The following ST3GAL5 variants were observed in gnomAD, a reference collection of about 807,000 sequenced individuals.
ST3GAL5 encodes the protein lactosylceramide alpha-2,3-sialyltransferase.
A neutral mutation model predicts 46.1 loss-of-function variants in ST3GAL5; 25 were observed. That is an observed-to-expected ratio of 0.54 (90% CI 0.40 to 0.76). The LOEUF is 0.76. ST3GAL5 is among the 30% of genes least tolerant of loss of function. The pLI is 0.00. For synonymous variants in ST3GAL5, 182 were observed against 192.7 expected, an observed-to-expected ratio of 0.94 and a Z score of 0.46; for missense variants, 431 against 521.2, an observed-to-expected ratio of 0.83 and a Z score of 1.69.
intron 3 of ST3GAL5, among the ~76,000 whole-genome samples, chr2:85,860,397 A>T (rs1210431664): frequency 6.6e-6 from 1 of 152,148 alleles, no homozygotes; most frequent in East Asian, 1.9e-4. Flanking sequence ...ATTTAAAATC[A>T]TCTCTTCCTC....
intron 3 of ST3GAL5, chr2:85,856,161 A>G (rs1446140965): frequency 6.6e-6 from 1 of 152,232 alleles, no homozygotes; most frequent in Non-Finnish European, 1.5e-5. Flanking sequence ...AGCATTATTC[A>G]TAATAGCCAA....
In ST3GAL5 at chr2:85,888,493, C is replaced by G. The variant is rs191905566; in HGVS notation, c.82+331G>C. On this transcript the variant is annotated intron_variant, in intron 1 of 6. Transcript: ENST00000638572. ...CGAGTTAACTCGGCTCTGCTAACTCCGAAGCTTCCAGCAATGAATTAAATC... is the reference window on the plus strand; with the variant it reads ...CGAGTTAACTCGGCTCTGCTAACTCGGAAGCTTCCAGCAATGAATTAAATC... 1.4e-3 allele frequency: 271 copies of G among 188,242 alleles called. 1 individual carries two copies. Among genetic ancestry groups the G allele is most frequent in the Admixed American group, 5.7e-3 (92 of 16,226 alleles). The allele number at this position is 188,242 out of a possible 1,614,324, so 11.7% of individuals were successfully genotyped here.
chr2:85,863,462 C>T lies in ST3GAL5; in HGVS notation c.106G>A (p.Val36Met). The change falls in exon 2 of 7, where the codon GTG (valine) becomes ATG (methionine). Residue 36 changes from valine (V) to methionine (M), a missense_variant. Physicochemically the swap from Val to Met is conservative, Grantham distance 21. Transcript: ENST00000638572. ...GRAMPSEYTY[V>M]KLRSDCSRPS... ...CTCGAGCAATCACTTCTCAGTTTCA[C>T]ATAGGTGTACTCACTTGGCATTGCT... The T allele has an allele frequency of 6.2e-7, 1 of 1,614,152 alleles. No homozygotes were observed. The highest frequency in any genetic ancestry group is 1.1e-5 in the South Asian group (1 of 91,072).
chr2:85,881,050 G>A lies in ST3GAL5; in HGVS notation c.82+7774C>T, dbSNP rs546357925. The A allele has an allele frequency of 4.7e-4, 221 of 467,578 alleles. 2 individuals carry two copies. Among genetic ancestry groups the A allele is most frequent in the African/African-American group, 3.2e-3 (161 of 50,094 alleles). 29.0% of individuals were successfully genotyped at this position (467,578 alleles called of 1,614,324 possible). On this transcript the variant is annotated intron_variant, in intron 1 of 6. Coordinates refer to ENST00000638572, the MANE Select transcript of ST3GAL5 (RefSeq NM_003896.4). ...GACCCAGGGGAGGTAATTGAATCAC[G>A]GGGGCTGGTCTTTCCTGTGCTATTC...
At chr2:85,846,118 C>T (rs1682766681) in intron 5 of ST3GAL5, 5 of 424,718 alleles carry the variant, frequency 1.2e-5, no homozygotes, top group South Asian at 9.5e-5. Context: ...ATTGCTTGAA[C>T]CTGGGATGCG....
At chr2:85,842,819 T>TG (rs1013696127) in intron 6 of ST3GAL5, among the ~76,000 whole-genome samples, 2 of 151,558 alleles carry the variant, frequency 1.3e-5, no homozygotes, top group African/African-American at 4.9e-5. Flanking sequence ...TGGAGTGCAA[T>TG]GGGGCGATCT....
intron 1 of ST3GAL5, among the ~76,000 whole-genome samples, chr2:85,864,742 CTCCCCCATATTCGCT>C (rs1685106058): frequency 6.6e-6 from 1 of 152,214 alleles, no homozygotes; most frequent in African/African-American, 2.4e-5. Context: ...ATTGGTCCGT[CTCCCCCATATTCGCT>C]TTCCCCTAAC....
At chr2:85,882,276 A>T (rs1687244017) in intron 1 of ST3GAL5, among the ~76,000 whole-genome samples, 1 of 152,212 alleles carries the variant, frequency 6.6e-6, no homozygotes, top group African/African-American at 2.4e-5. Flanking sequence ...AGCCACACAG[A>T]GTCCCTACTG....
At position 85,842,468 on chromosome 2, in the gene ST3GAL5, G is replaced by A. The variant is rs565170530; in HGVS notation, c.1008+1928C>T. 3.3e-5 allele frequency among the ~76,000 whole-genome samples: 5 copies of A among 152,300 alleles called. No individual in the cohort carries two copies. In the East Asian group the frequency reaches 9.6e-4, roughly 29 times the overall value. ...GCCCTTTGAGATCACATCTCCTACT[G>A]CTCAACAGGCTTCTTCATCTGCTGG... On this transcript the variant is annotated intron_variant, in intron 6 of 6. Transcript: ENST00000638572.
chr2:85,880,963 C>G, intron 1 of ST3GAL5: 4 of 511,062 alleles, frequency 7.8e-6, no homozygotes, highest in Non-Finnish European at 1.5e-5. Context: ...TGGTTTGGCT[C>G]TGTCCCCACC....
At chr2:85,846,952 C>T (rs1682868595) in intron 4 of ST3GAL5, among the ~76,000 whole-genome samples, 2 of 152,176 alleles carry the variant, frequency 1.3e-5, no homozygotes, top group South Asian at 4.1e-4. Context: ...GTCCACCATG[C>T]CTGGCTGACT....
upstream of ST3GAL5, chr2:85,889,030 G>GTCA (rs1688103505): frequency 1.5e-6 from 1 of 670,620 alleles, no homozygotes; most frequent in Non-Finnish European, 2.0e-6. Context: ...GAGGAGGGGC[G>GTCA]CGTGGGCGGG....
chr2:85,881,776 TGAC>T (rs1687181275), intron 1 of ST3GAL5, among the ~76,000 whole-genome samples: 1 of 31,294 alleles, frequency 3.2e-5, no homozygotes, highest in Admixed American at 4.4e-4. Flanking sequence ...ATTTGCAGCC[TGAC>T]TATGTGACAG....
chr2:85,872,456 G>A (rs1004936842), intron 1 of ST3GAL5, among the ~76,000 whole-genome samples: 1 of 152,036 alleles, frequency 6.6e-6, no homozygotes, highest in African/African-American at 2.4e-5. Flanking sequence ...GGTGGCGCAC[G>A]CTTGTAATCC....
At chr2:85,857,066 C>CAAAA (rs373154047) in intron 3 of ST3GAL5, among the ~76,000 whole-genome samples, 14 of 70,886 alleles carry the variant, frequency 2.0e-4, no homozygotes, top group African/African-American at 4.2e-4. Flanking sequence ...CTGCCTCTAC[C>CAAAA]AAAAAAAAAA....
At position 85,881,403 on chromosome 2, in the gene ST3GAL5, T is replaced by C. The variant is rs146409968; in HGVS notation, c.82+7421A>G. Among the ~76,000 whole-genome samples, 175 of 152,332 alleles carry C rather than the reference T, an allele frequency of 1.1e-3. 3 individuals carry two copies. Among genetic ancestry groups the C allele is most frequent in the East Asian group, 3.9e-3 (20 of 5,192 alleles). On this transcript the variant is annotated intron_variant, in intron 1 of 6. Coordinates refer to ENST00000638572, the MANE Select transcript of ST3GAL5 (RefSeq NM_003896.4). ...GTAACAGGCAGAGATTGGAACAGTT[T>C]GAAGGGCTCAGAAAAAGAAAGGAAA...
At chr2:85,884,603 C>T (rs1687548998) in intron 1 of ST3GAL5, among the ~76,000 whole-genome samples, 1 of 152,136 alleles carries the variant, frequency 6.6e-6, no homozygotes, top group African/African-American at 2.4e-5. Flanking sequence ...CAGAAAGTGA[C>T]AAGCAAAGAG....
chr2:85,843,049 C>T (rs1384452658), intron 6 of ST3GAL5, among the ~76,000 whole-genome samples: 18 of 152,142 alleles, frequency 1.2e-4, no homozygotes, highest in Non-Finnish European at 2.2e-4. Flanking sequence ...TCTGCAACCG[C>T]GCCCAGCCTA....
At chr2:85,885,415 T>C (rs1008175235) in intron 1 of ST3GAL5, among the ~76,000 whole-genome samples, 9 of 152,162 alleles carry the variant, frequency 5.9e-5, no homozygotes, top group Admixed American at 2.6e-4. Context: ...GCTGGCACCA[T>C]ACACAGCCAG....
Sources: gnomAD v4.1 joint callset for allele counts (sites outside exome capture counted in the v4.1 genomes callset) on GRCh38, gnomAD v4.1.1 for gene constraint, MANE v1.5 for transcripts, NCBI Gene and HGNC (gene_info 2026-07-23, HGNC 2026-07-21) for gene names.